Variants in GNAI1 observed in about 807,000 individuals in gnomAD.
GNAI1 encodes the protein guanine nucleotide-binding protein G(i) subunit alpha-1.
Under a neutral mutation model 38.9 loss-of-function variants are expected in GNAI1, and 11 were observed. That is an observed-to-expected ratio of 0.28 (90% CI 0.18 to 0.47). The LOEUF (loss-of-function observed/expected upper bound fraction) is 0.47, where lower values mean the gene tolerates loss of function less well. Ranked by LOEUF, GNAI1 falls within the 20% of genes least tolerant of loss-of-function variation. The pLI, the probability that GNAI1 is intolerant of heterozygous loss-of-function variation, is 0.99. For synonymous variants in GNAI1, 166 were observed against 145.1 expected (o/e 1.14, Z -1.04); for missense variants, 317 against 436.9 (o/e 0.73, Z 2.45).
intron 7 of GNAI1, among the ~76,000 whole-genome samples, chr7:80,217,007 A>G (rs1788979660): frequency 6.6e-6 from 1 of 152,118 alleles, no homozygotes; most frequent in African/African-American, 2.4e-5. Flanking sequence ...AAGAGGATAA[A>G]AGATCTGGCA....
At chr7:80,185,012 CAT>C (rs144168893) in intron 1 of GNAI1, among the ~76,000 whole-genome samples, 3,862 of 152,246 alleles carry the variant, frequency 0.025, 165 homozygotes, top group African/African-American at 0.088. Flanking sequence ...TTGACTGACA[CAT>C]GTTACATATT....
chr7:80,175,364 A>ATGTGTGTGTGTGTGTGTG (rs71518972), intron 1 of GNAI1, among the ~76,000 whole-genome samples: 53 of 150,478 alleles, frequency 3.5e-4, no homozygotes, highest in Admixed American at 1.7e-3. Flanking sequence ...GTGTATATTT[A>ATGTGTGTGTGTGTGTGTG]TGTGTGTGTG....
chr7:80,135,676 C>CCCCCCCCCCCA, intron 1 of GNAI1: 2 of 366,968 alleles, frequency 5.5e-6, no homozygotes, highest in Non-Finnish European at 7.7e-6. Context: ...CCAACCCCCT[C>CCCCCCCCCCCA]CCGGAAAACC....
At position 80,219,291 on chromosome 7, in the gene GNAI1, G is replaced by A. The variant is rs566845805; in HGVS notation, c.*1798G>A. Reference sequence around the variant, plus strand: ...ATAAATTTGAATCATGAGAATTATGGGTTAAAAAGCCACAAAGAAGCACAT... The same window carrying A: ...ATAAATTTGAATCATGAGAATTATGAGTTAAAAAGCCACAAAGAAGCACAT... On this transcript the variant is annotated 3_prime_UTR_variant, in exon 8 of 8. Coordinates refer to ENST00000649796, the MANE Select transcript of GNAI1 (RefSeq NM_002069.6). 6.6e-6 allele frequency: 1 copy of A among 152,320 alleles called. No individual in the cohort carries two copies. The highest frequency in any genetic ancestry group is 2.1e-4 in the South Asian group (1 of 4,798). 9.4% of individuals were successfully genotyped at this position (152,320 alleles called of 1,614,324 possible).
intron 1 of GNAI1, among the ~76,000 whole-genome samples, chr7:80,184,085 G>A (rs1056923215): frequency 1.3e-5 from 2 of 152,096 alleles, no homozygotes; most frequent in Non-Finnish European, 2.9e-5. Flanking sequence ...GTGGGCGGAG[G>A]GGGAGGACTC....
chr7:80,139,277 C>G (rs1439423582), intron 1 of GNAI1, among the ~76,000 whole-genome samples: 1 of 152,272 alleles, frequency 6.6e-6, no homozygotes, highest in African/African-American at 2.4e-5. Context: ...GGCTCTCTTG[C>G]ATCTTGTCTT....
At chr7:80,197,183 T>C (rs1206839367) in intron 3 of GNAI1, among the ~76,000 whole-genome samples, 20 of 31,704 alleles carry the variant, frequency 6.3e-4, no homozygotes, top group East Asian at 4.1e-3. Context: ...TCTGTGGATT[T>C]TTTTTTTTTT....
intron 1 of GNAI1, among the ~76,000 whole-genome samples, chr7:80,176,761 A>AC (rs1788187776): frequency 6.6e-6 from 1 of 151,534 alleles, no homozygotes; most frequent in South Asian, 2.1e-4. Context: ...ACATGGTGAA[A>AC]CCCCCATCTC....
rs2115739041 is a variant in GNAI1, at chr7:80,221,102, G to A, written c.*3609G>A. Among the ~76,000 whole-genome samples the A allele has an allele frequency of 6.6e-6, 1 of 152,232 alleles. No individual in the cohort carries two copies. The highest frequency in any genetic ancestry group is 1.9e-4 in the East Asian group (1 of 5,176). The stretch of plus-strand genomic sequence containing the variant: ...GATGGTAGCATCATCATTGCTTAGT[G>A]TGTTATGTTGGAAGTAGAAAGTGAT... On this transcript the variant is annotated 3_prime_UTR_variant, in exon 8 of 8. Coordinates refer to ENST00000649796, the MANE Select transcript of GNAI1 (RefSeq NM_002069.6).
chr7:80,138,430 GTTTT>G (rs1562819936), intron 1 of GNAI1, among the ~76,000 whole-genome samples: 10 of 152,128 alleles, frequency 6.6e-5, no homozygotes, highest in African/African-American at 2.4e-4. Context: ...TTTAGGTTTA[GTTTT>G]TATGCTTATT....
At chr7:80,177,103 T>G (rs1405227858) in intron 1 of GNAI1, among the ~76,000 whole-genome samples, 1 of 135,110 alleles carries the variant, frequency 7.4e-6, no homozygotes, top group East Asian at 2.3e-4. Context: ...CAATCTTGGC[T>G]CACTGCAAGC....
intron 5 of GNAI1, among the ~76,000 whole-genome samples, chr7:80,209,525 T>C (rs1788837752): frequency 6.6e-6 from 1 of 152,142 alleles, no homozygotes; most frequent in Non-Finnish European, 1.5e-5. Flanking sequence ...TACAGCAACA[T>C]CTAAATAAGT....
intron 1 of GNAI1, among the ~76,000 whole-genome samples, chr7:80,145,245 C>G (rs930025561): frequency 2.6e-5 from 4 of 152,122 alleles, no homozygotes; most frequent in African/African-American, 9.7e-5. Flanking sequence ...TCCTTTTTCA[C>G]TTTGCAGTCA....
chr7:80,212,580 T>C (rs546031832), intron 6 of GNAI1, 136 bp from the exon 7 acceptor site: 10 of 542,236 alleles, frequency 1.8e-5, no homozygotes, highest in East Asian at 1.4e-4. Flanking sequence ...TGTTCTGAAA[T>C]GGCAGAAATG....
intron 1 of GNAI1, among the ~76,000 whole-genome samples, chr7:80,175,000 G>T (rs1788157650): frequency 1.3e-5 from 2 of 152,134 alleles, no homozygotes; most frequent in Admixed American, 1.3e-4. Context: ...TACACTTACA[G>T]TACTCCTGTA....
intron 5 of GNAI1, among the ~76,000 whole-genome samples, chr7:80,208,923 C>G (rs1374329483): frequency 6.6e-6 from 1 of 152,176 alleles, no homozygotes; most frequent in Non-Finnish European, 1.5e-5. Context: ...AACATGTTTT[C>G]ATTTCCTTCT....
At chr7:80,139,403 C>A (rs1787484079) in intron 1 of GNAI1, among the ~76,000 whole-genome samples, 1 of 152,120 alleles carries the variant, frequency 6.6e-6, no homozygotes, top group African/African-American at 2.4e-5. Flanking sequence ...TTCCCTCTAG[C>A]CTTATACTTT....
At chr7:80,168,768 A>G (rs1018630711) in intron 1 of GNAI1, among the ~76,000 whole-genome samples, 3 of 152,190 alleles carry the variant, frequency 2.0e-5, no homozygotes, top group Admixed American at 6.5e-5. Flanking sequence ...TGGGACTTCT[A>G]CATCATCCCA....
At chr7:80,178,356 T>C (rs1788228245) in intron 1 of GNAI1, among the ~76,000 whole-genome samples, 1 of 152,186 alleles carries the variant, frequency 6.6e-6, no homozygotes, top group East Asian at 1.9e-4. Flanking sequence ...TGGATCCAAT[T>C]TTGAAAGAAG....
Sources: allele counts gnomAD v4.1 joint callset (sites outside exome capture counted in the v4.1 genomes callset), GRCh38; gene constraint gnomAD v4.1.1; transcripts MANE v1.5; gene names NCBI Gene and HGNC (gene_info 2026-07-23, HGNC 2026-07-21).